LPIN2: variants seen among roughly 807,000 people sequenced by gnomAD.
The protein encoded by LPIN2 is phosphatidate phosphatase LPIN2.
A neutral mutation model predicts 111.4 loss-of-function variants in LPIN2; 55 were observed. The ratio of observed to expected loss-of-function variants is 0.49; its 90% CI spans 0.40 to 0.62. The LOEUF (loss-of-function observed/expected upper bound fraction) is 0.62. Among genes scored for constraint, LPIN2 ranks in the 20% least tolerant of loss-of-function variants. LPIN2 has a pLI of 0.00. For synonymous variants in LPIN2, 425 were observed against 414.0 expected, an observed-to-expected ratio of 1.03 and a Z score of -0.32; for missense variants, 992 against 1,112.1, an observed-to-expected ratio of 0.89 and a Z score of 1.54.
At chr18:2,962,457 T>C (rs1214080045) in intron 1 of LPIN2, among the ~76,000 whole-genome samples, 1 of 152,192 alleles carries the variant, frequency 6.6e-6, no homozygotes, top group Non-Finnish European at 1.5e-5. Flanking sequence ...ATGTATCAAG[T>C]GCTCAATAAT....
chr18:2,951,828 G>A (rs967110114), intron 3 of LPIN2, among the ~76,000 whole-genome samples: 2 of 152,218 alleles, frequency 1.3e-5, no homozygotes, highest in Admixed American at 6.5e-5. Context: ...CGAGGATGCA[G>A]TGATACAGAG....
rs1465116667 is a variant in LPIN2, at chr18:2,951,004, A to AC, written c.590+50dup. 3.1e-6 allele frequency: 5 copies of AC among 1,605,686 alleles called. No homozygotes were observed. The Admixed American group carries it at 8.3e-5, about 27-fold the overall frequency. On this transcript the variant is annotated intron_variant, in intron 4 of 19. Coordinates refer to ENST00000677752, the MANE Select transcript of LPIN2 (RefSeq NM_001375808.2). Reference sequence around the variant, plus strand: ...AAAAAAACTGGCAGCTCCTGGCTTCACATGAACTCTAGGTACCCGCACAAG... The same window carrying AC: ...AAAAAAACTGGCAGCTCCTGGCTTCACCATGAACTCTAGGTACCCGCACAAG...
intron 4 of LPIN2, chr18:2,948,201 T>C (rs1035808005): frequency 6.6e-6 from 1 of 152,176 alleles, no homozygotes; most frequent in Non-Finnish European, 1.5e-5. Flanking sequence ...AATTATTCCA[T>C]GGTAACCTAA....
At chr18:2,945,594 C>A (rs1303049572) in intron 4 of LPIN2, 1 of 1,525,386 alleles carries the variant, frequency 6.6e-7, no homozygotes, top group African/African-American at 1.4e-5. Context: ...TAGCTGCAGG[C>A]AGTTCAAGGC....
intron 4 of LPIN2, among the ~76,000 whole-genome samples, chr18:2,947,079 C>T (rs1484118550): frequency 2.0e-5 from 3 of 152,200 alleles, no homozygotes; most frequent in African/African-American, 7.2e-5. Context: ...ATCATCAGAG[C>T]AGTAGGTGCT....
rs376631708 is a variant in LPIN2 at position 3,006,679 on chromosome 18, T to C, written c.-10+6408A>G. On this transcript the variant is annotated intron_variant, in intron 1 of 19. Coordinates refer to ENST00000677752, the MANE Select transcript of LPIN2 (RefSeq NM_001375808.2). ...GGTGAAACCCCGTCTCTACTAAAAA[T>C]ACAAAAAATTAGCCAGGCGTGGTGG... Among the ~76,000 whole-genome samples the C allele has an allele frequency of 3.9e-5, 6 of 152,048 alleles. No homozygotes were observed. In the South Asian group the frequency reaches 8.3e-4, roughly 21 times the overall value.
chr18:2,932,924 C>T (rs535634216), intron 8 of LPIN2, among the ~76,000 whole-genome samples: 3 of 152,294 alleles, frequency 2.0e-5, no homozygotes, highest in East Asian at 3.9e-4. Flanking sequence ...AAAATTCCAT[C>T]GTGGTAGGCC....
chr18:2,918,502 A>G lies in LPIN2; in HGVS notation c.*1791T>C, dbSNP rs2077002180. On this transcript the variant is annotated 3_prime_UTR_variant, in exon 20 of 20. Coordinates refer to ENST00000677752, the MANE Select transcript of LPIN2 (RefSeq NM_001375808.2). ...CTGTACTAGAATTCACAAACTGGGA[A>G]GAACTTCATATAAACAGAACCCAGG... The G allele has an allele frequency of 6.6e-6, 1 of 152,234 alleles. No individual in the cohort carries two copies. Among genetic ancestry groups the G allele is most frequent in the Admixed American group, 6.5e-5 (1 of 15,284 alleles). 9.4% of individuals were successfully genotyped at this position (152,234 alleles called of 1,614,324 possible).
intron 1 of LPIN2, among the ~76,000 whole-genome samples, chr18:2,993,815 A>G (rs1421285487): frequency 2.6e-5 from 4 of 152,186 alleles, no homozygotes; most frequent in African/African-American, 7.2e-5. Flanking sequence ...TGAGAACCCA[A>G]CTAAGCTTTG....
Position 2,937,893 on chromosome 18 carries a change from TACAG to T in LPIN2, c.963_966del (p.Cys322ProfsTer2). 6.2e-7 allele frequency: 1 copy of T among 1,614,174 alleles called. No homozygotes were observed. ...GCTCTGGGTTTGGGCTTCACTATGG[TACAG>T]ACAGTGTCTTCCATGGAAGCATCCT... On this transcript the variant is annotated frameshift_variant, in exon 7 of 20. Coordinates refer to ENST00000677752, the MANE Select transcript of LPIN2 (RefSeq NM_001375808.2). LOFTEE classifies it high-confidence loss of function.
chr18:2,926,507 C>A (rs934630529), intron 13 of LPIN2, among the ~76,000 whole-genome samples: 1 of 152,090 alleles, frequency 6.6e-6, no homozygotes, highest in Non-Finnish European at 1.5e-5. Context: ...GCTGGCGCCA[C>A]GGCTCCACAA....
rs908288951 is a variant in LPIN2 at position 2,918,701 on chromosome 18, T to C, written c.*1592A>G. The stretch of plus-strand genomic sequence containing the variant: ...GTTTAGGGGATTTCAACATTGTCTC[T>C]GCATCCGACAAGCACTAGGAAAATG... On this transcript the variant is annotated 3_prime_UTR_variant, in exon 20 of 20. Coordinates refer to ENST00000677752, the MANE Select transcript of LPIN2 (RefSeq NM_001375808.2). 6.6e-6 allele frequency: 1 copy of C among 152,234 alleles called. No individual in the cohort carries two copies. The highest frequency in any genetic ancestry group is 1.9e-4 in the East Asian group (1 of 5,196). The allele number at this position is 152,234 out of a possible 1,614,324, so 9.4% of individuals were successfully genotyped here. A position where few individuals can be genotyped will look rare whatever the true frequency, so the allele number is the denominator to read the frequency against.
chr18:2,980,518 G>A (rs1408340713), intron 1 of LPIN2, among the ~76,000 whole-genome samples: 1 of 152,164 alleles, frequency 6.6e-6, no homozygotes, highest in African/African-American at 2.4e-5. Flanking sequence ...ACGCTGCCTC[G>A]TATCATGTGC....
At chr18:2,979,746 C>A (rs182888265) in intron 1 of LPIN2, among the ~76,000 whole-genome samples, 6 of 152,162 alleles carry the variant, frequency 3.9e-5, no homozygotes, top group East Asian at 1.9e-4. Context: ...CTACTCCCCC[C>A]CAAATTCCTG....
chr18:2,956,531 G>GA lies in LPIN2; in HGVS notation c.193-1933dup, dbSNP rs1357396112. On this transcript the variant is annotated intron_variant, in intron 2 of 19. Coordinates refer to ENST00000677752, the MANE Select transcript of LPIN2 (RefSeq NM_001375808.2). ...GAGGCAGGGAAAGTAGCTTCTTCTG[G>GA]AACACCTTCTGGTACCAGGAAGGAA... Among the ~76,000 whole-genome samples the GA allele has an allele frequency of 1.2e-4, 18 of 152,292 alleles. No homozygotes were observed. In the East Asian group the frequency reaches 3.1e-3, roughly 26 times the overall value.
intron 3 of LPIN2, 95 bp downstream of exon 3, chr18:2,954,409 A>T: frequency 1.2e-6 from 1 of 830,424 alleles, no homozygotes; most frequent in East Asian, 2.5e-5. Flanking sequence ...TCCTCTGTAC[A>T]ATCAACCATA....
At chr18:2,953,386 T>C (rs1382243665) in intron 3 of LPIN2, among the ~76,000 whole-genome samples, 2 of 152,170 alleles carry the variant, frequency 1.3e-5, no homozygotes, top group African/African-American at 4.8e-5. Context: ...ATTTATTATG[T>C]TTCATTCTGC....
chr18:3,005,018 ATC>A (rs1165456486), intron 1 of LPIN2, among the ~76,000 whole-genome samples: 2 of 152,154 alleles, frequency 1.3e-5, no homozygotes, highest in Non-Finnish European at 2.9e-5. Context: ...AGTAGGTGCT[ATC>A]TCTCTGTTAC....
chr18:2,998,960 G>A (rs2078387063), intron 1 of LPIN2, among the ~76,000 whole-genome samples: 1 of 152,200 alleles, frequency 6.6e-6, no homozygotes, highest in African/African-American at 2.4e-5. Flanking sequence ...AATTTTGGCA[G>A]TCACAAGTCT....
Sources: gnomAD v4.1 joint callset for allele counts (sites outside exome capture counted in the v4.1 genomes callset) on GRCh38, gnomAD v4.1.1 for gene constraint, MANE v1.5 for transcripts, NCBI Gene and HGNC (gene_info 2026-07-23, HGNC 2026-07-21) for gene names.